The following CRIM1 variants were observed in gnomAD, a reference collection of about 807,000 sequenced individuals.
CRIM1 encodes the protein cysteine-rich motor neuron 1 protein.
Under a neutral mutation model 116.4 loss-of-function variants are expected in CRIM1, and 32 were observed. The ratio of observed to expected loss-of-function variants is 0.27; its 90% CI spans 0.21 to 0.37. The LOEUF (loss-of-function observed/expected upper bound fraction) is 0.37. CRIM1 is among the 10% of genes least tolerant of loss of function. CRIM1 has a pLI of 1.00. For missense variants in CRIM1, 1,331 were observed against 1,354.8 expected (o/e 0.98, Z 0.28); for synonymous variants, 590 against 509.2 (o/e 1.16, Z -2.13).
At chr2:36,391,540 A>C (rs1403337971) in intron 1 of CRIM1, among the ~76,000 whole-genome samples, 1 of 152,170 alleles carries the variant, frequency 6.6e-6, no homozygotes, top group Non-Finnish European at 1.5e-5. Flanking sequence ...ATATTGGCTA[A>C]ATCACATTAA....
chr2:36,514,932 CTT>C (rs1664940121), intron 11 of CRIM1, among the ~76,000 whole-genome samples: 1 of 152,172 alleles, frequency 6.6e-6, no homozygotes, highest in Non-Finnish European at 1.5e-5. Context: ...AGAGATGACT[CTT>C]TTTATTTTGT....
intron 2 of CRIM1, among the ~76,000 whole-genome samples, chr2:36,410,505 G>T (rs1189491394): frequency 6.6e-6 from 1 of 151,540 alleles, no homozygotes; most frequent in Non-Finnish European, 1.5e-5. Context: ...TCCTTGTCAG[G>T]GTTTTCTTTT....
At chr2:36,454,476 C>T (rs2160367) in intron 4 of CRIM1, among the ~76,000 whole-genome samples, 1 of 151,882 alleles carries the variant, frequency 6.6e-6, no homozygotes, top group Non-Finnish European at 1.5e-5. Flanking sequence ...ACCGAGGTCT[C>T]TGAGGCATGA....
At chr2:36,511,733 A>T (rs1177497443) in intron 9 of CRIM1, among the ~76,000 whole-genome samples, 1 of 152,168 alleles carries the variant, frequency 6.6e-6, no homozygotes, top group Non-Finnish European at 1.5e-5. Context: ...ACCAAAAGAG[A>T]ATTCTTGGCC....
intron 13 of CRIM1, among the ~76,000 whole-genome samples, chr2:36,522,530 G>A (rs140930967): frequency 1.3e-4 from 20 of 152,198 alleles, no homozygotes; most frequent in African/African-American, 3.1e-4. Flanking sequence ...GGCCAGGAGT[G>A]GTGGCTCACG....
At chr2:36,506,177 TCTCTCACACACA>T (rs1416652820) in intron 8 of CRIM1, among the ~76,000 whole-genome samples, 103 of 86,314 alleles carry the variant, frequency 1.2e-3, no homozygotes, top group Middle Eastern at 0.012. Context: ...TCTCTCTCTC[TCTCTCACACACA>T]CACACACACA....
chr2:36,510,060 T>C lies in CRIM1; in HGVS notation c.1579T>C (p.Cys527Arg). The change falls in exon 9 of 17, where the codon TGT becomes CGT. Residue 527 changes from cysteine to arginine, a missense_variant. Physicochemically the swap from Cys to Arg is radical, Grantham distance 180. Transcript: ENST00000280527. ...CGGTTTCCTTACTGATGCCCAAAAC[T>C]GTGAGATCTGTGAGTGCCGCCCAAG... Reference protein sequence around the residue: ...PFGFLTDAQNCEICECRPRPK... With the variant: ...PFGFLTDAQNREICECRPRPK... 6.2e-7 allele frequency: 1 copy of C among 1,614,176 alleles called. No individual in the cohort carries two copies. Among genetic ancestry groups the C allele is most frequent in the Non-Finnish European group, 8.5e-7 (1 of 1,180,020 alleles).
chr2:36,432,796 A>C (rs1674994479), intron 2 of CRIM1, among the ~76,000 whole-genome samples: 1 of 151,954 alleles, frequency 6.6e-6, no homozygotes, highest in Non-Finnish European at 1.5e-5. Flanking sequence ...ACTGTAAAAA[A>C]AAATATATAC....
intron 8 of CRIM1, among the ~76,000 whole-genome samples, chr2:36,506,462 C>T (rs1012892824): frequency 1.3e-5 from 2 of 152,148 alleles, no homozygotes; most frequent in African/African-American, 4.8e-5. Context: ...CTCTAGGGGA[C>T]ACCATCCACA....
At chr2:36,441,228 C>G in intron 2 of CRIM1, 30 bp from the exon 3 acceptor site, 1 of 1,613,646 alleles carries the variant, frequency 6.2e-7, no homozygotes, top group Non-Finnish European at 8.5e-7. Flanking sequence ...CTGCCCTGGG[C>G]ATAAGCTAAA....
At chr2:36,384,097 A>C (rs997598454) in intron 1 of CRIM1, among the ~76,000 whole-genome samples, 8 of 152,250 alleles carry the variant, frequency 5.3e-5, no homozygotes, top group Non-Finnish European at 8.8e-5. Context: ...AGACAACCAC[A>C]GTGGTATCTG....
chr2:36,480,440 A>G (rs775548340), intron 7 of CRIM1, among the ~76,000 whole-genome samples: 3 of 152,266 alleles, frequency 2.0e-5, no homozygotes, highest in Non-Finnish European at 4.4e-5. Context: ...GGTATCCAGC[A>G]TTAAGAAGTA....
chr2:36,485,318 C>T (rs765881518), intron 7 of CRIM1, among the ~76,000 whole-genome samples: 12 of 152,320 alleles, frequency 7.9e-5, no homozygotes, highest in East Asian at 3.9e-4. Context: ...ATGTCAGGCA[C>T]GTCTTGACCT....
At chr2:36,411,209 C>A (rs1673176467) in intron 2 of CRIM1, among the ~76,000 whole-genome samples, 1 of 152,120 alleles carries the variant, frequency 6.6e-6, no homozygotes, top group Admixed American at 6.5e-5. Context: ...ATTTCTGTTT[C>A]ATCTGGAATT....
At position 36,441,291 on chromosome 2, in the gene CRIM1, A is replaced by G. The variant is rs751735637; in HGVS notation, c.539A>G (p.Glu180Gly). The G allele has an allele frequency of 1.2e-6, 2 of 1,614,162 alleles. No homozygotes were observed. Among genetic ancestry groups the G allele is most frequent in the African/African-American group, 2.7e-5 (2 of 75,040 alleles). Residue 180 changes from glutamate to glycine, a missense_variant, in exon 3 of 17, where the codon GAA (glutamate) becomes GGA (glycine). By Grantham distance (98) the Glu-to-Gly change is moderately conservative. Transcript: ENST00000280527. ...CCAGATTGCTCCAAGGCCCGCTGTG[A>G]AGTCCAGTTCTCTCCACGTTGTCCT... The part of the protein sequence containing the change: ...EKPDCSKARC[E>G]VQFSPRCPED...
chr2:36,383,190 A>T (rs1670914928), intron 1 of CRIM1, among the ~76,000 whole-genome samples: 1 of 152,228 alleles, frequency 6.6e-6, no homozygotes, highest in South Asian at 2.1e-4. Flanking sequence ...TGAGTGATGC[A>T]TACCTGTTAT....
intron 4 of CRIM1, among the ~76,000 whole-genome samples, chr2:36,455,098 G>A (rs1677035400): frequency 6.6e-6 from 1 of 152,116 alleles, no homozygotes; most frequent in African/African-American, 2.4e-5. Context: ...GTAGAGCATG[G>A]GCCAGGGAGA....
rs779408922 is a variant in CRIM1, at chr2:36,547,102, A to G, written c.2865A>G (p.Ile955Met). 6.2e-7 allele frequency: 1 copy of G among 1,612,596 alleles called. No individual in the cohort carries two copies. Among genetic ancestry groups the G allele is most frequent in the Admixed American group, 1.7e-5 (1 of 59,974 alleles). ...TAATTATATGCCTCTCTATTATAATAGCATTCCTATTCATCAATCAGAAGA... is the reference window on the plus strand; with the variant it reads ...TAATTATATGCCTCTCTATTATAATGGCATTCCTATTCATCAATCAGAAGA... ...VPIIICLSII[I>M]AFLFINQKKQ... The change falls in exon 16 of 17, where the codon ATA becomes ATG. Residue 955 changes from isoleucine (I) to methionine (M), a missense_variant. Physicochemically the swap from Ile to Met is conservative, Grantham distance 10 (BLOSUM62 1). Transcript: ENST00000280527.
chr2:36,481,588 T>C (rs146356359), intron 7 of CRIM1, among the ~76,000 whole-genome samples: 399 of 152,320 alleles, frequency 2.6e-3, no homozygotes, highest in African/African-American at 8.8e-3. Context: ...AATGTCCCCG[T>C]TGAGGTATGG....
Sources: allele counts gnomAD v4.1 joint callset (sites outside exome capture counted in the v4.1 genomes callset), GRCh38; gene constraint gnomAD v4.1.1; transcripts MANE v1.5; gene names NCBI Gene and HGNC (gene_info 2026-07-23, HGNC 2026-07-21).